Variants in TNS3 observed in about 807,000 individuals in gnomAD.
TNS3 encodes the protein tensin 3, also known as tensin-3.
A neutral mutation model predicts 140.9 loss-of-function variants in TNS3; 45 were observed. The observed-to-expected ratio is 0.32, with a 90% CI of 0.25 to 0.41. TNS3 has a LOEUF of 0.41. Among genes scored for constraint, TNS3 ranks in the 10% least tolerant of loss-of-function variants. The pLI, the probability that TNS3 is intolerant of heterozygous loss-of-function variation, is 1.00. For synonymous variants in TNS3, 815 were observed against 788.4 expected, an observed-to-expected ratio of 1.03 and a Z score of -0.56; for missense variants, 1,716 against 1,906.7, an observed-to-expected ratio of 0.90 and a Z score of 1.86.
intron 17 of TNS3, among the ~76,000 whole-genome samples, chr7:47,351,545 G>T (rs949351692): frequency 6.6e-6 from 1 of 152,126 alleles, no homozygotes; most frequent in Non-Finnish European, 1.5e-5. Context: ...GAGACTCCAC[G>T]CTAGGTCCAA....
chr7:47,392,945 G>A (rs368281216), intron 16 of TNS3, among the ~76,000 whole-genome samples: 3 of 152,236 alleles, frequency 2.0e-5, no homozygotes, highest in African/African-American at 7.2e-5. Flanking sequence ...GTCTCACAGG[G>A]AGAACTTGGA....
At chr7:47,396,689 C>T (rs1431292075) in intron 16 of TNS3, 111 bp downstream of exon 16, 2 of 865,320 alleles carry the variant, frequency 2.3e-6, no homozygotes, top group Non-Finnish European at 3.8e-6. Flanking sequence ...TCTGAGAAAA[C>T]AGGGGAAATT....
chr7:47,335,068 C>T (rs536471865), intron 20 of TNS3, among the ~76,000 whole-genome samples: 4 of 152,286 alleles, frequency 2.6e-5, no homozygotes, highest in East Asian at 3.9e-4. Context: ...TGAGATTAAA[C>T]GACTCCCATT....
chr7:47,453,054 C>CTGGGCATAAA lies in TNS3; in HGVS notation c.-75-11000_-75-10999insTTTATGCCCA, dbSNP rs1481802884. On this transcript the variant is annotated intron_variant, in intron 4 of 30. Coordinates refer to ENST00000311160, the MANE Select transcript of TNS3 (RefSeq NM_022748.12). The stretch of plus-strand genomic sequence containing the variant: ...CACACCCCTCTTCGTGTTAATGTCT[C>CTGGGCATAAA]GGCAGCTCTGGGCATAAAGGAGGCA... 9.7e-5 allele frequency: 96 copies of CTGGGCATAAA among 985,510 alleles called. No individual in the cohort carries two copies. In the Middle Eastern group the frequency reaches 2.1e-3, roughly 21 times the overall value. 61.0% of individuals were successfully genotyped at this position (985,510 alleles called of 1,614,324 possible).
chr7:47,576,679 C>G (rs963528920), intron 1 of TNS3, among the ~76,000 whole-genome samples: 2 of 152,214 alleles, frequency 1.3e-5, no homozygotes, highest in African/African-American at 2.4e-5. Flanking sequence ...TGCTAATGGC[C>G]CAGTGTGCCC....
intron 28 of TNS3, among the ~76,000 whole-genome samples, chr7:47,282,853 A>G (rs1224706826): frequency 1.3e-5 from 2 of 151,836 alleles, no homozygotes; most frequent in Non-Finnish European, 2.9e-5. Context: ...CCTGCCTTCA[A>G]CCTCCCAGGT....
At chr7:47,293,874 G>A (rs1461343585) in intron 24 of TNS3, 46 bp from the exon 25 acceptor site, 1 of 1,561,358 alleles carries the variant, frequency 6.4e-7, no homozygotes, top group Admixed American at 1.7e-5. Flanking sequence ...GAAAATGGGA[G>A]CATGGGAGAA....
chr7:47,507,616 C>A (rs1320494806), intron 2 of TNS3, among the ~76,000 whole-genome samples: 1 of 152,190 alleles, frequency 6.6e-6, no homozygotes, highest in Non-Finnish European at 1.5e-5. Flanking sequence ...CAATGCAATG[C>A]AGAGCTGGAA....
chr7:47,536,304 GAGCCAACCAGCACCGC>G lies in TNS3; in HGVS notation c.-264-7173_-264-7158del, dbSNP rs879713560. Among the ~76,000 whole-genome samples the G allele has an allele frequency of 9.6e-3, 1,450 of 151,362 alleles. 35 individuals are homozygous for G. The highest frequency in any genetic ancestry group is 0.044 in the Admixed American group (664 of 15,152). On this transcript the variant is annotated intron_variant, in intron 1 of 30. Transcript: ENST00000311160. ...GGAAAGGGAGGCTGAACCTAGCGGG[GAGCCAACCAGCACCGC>G]TCTGTTTAATTCAGCAATAACTTAG...
At chr7:47,360,228 T>A (rs1270660391) in intron 17 of TNS3, among the ~76,000 whole-genome samples, 4 of 152,094 alleles carry the variant, frequency 2.6e-5, no homozygotes, top group Admixed American at 6.5e-5. Flanking sequence ...AAATGTGCAC[T>A]CACATACACA....
intron 17 of TNS3, among the ~76,000 whole-genome samples, chr7:47,359,606 T>C (rs1180082785): frequency 6.6e-6 from 1 of 152,216 alleles, no homozygotes; most frequent in Non-Finnish European, 1.5e-5. Flanking sequence ...ACCTGAGGGA[T>C]GATTTCTGTT....
chr7:47,456,466 G>T (rs982731412), intron 4 of TNS3, among the ~76,000 whole-genome samples: 1 of 152,190 alleles, frequency 6.6e-6, no homozygotes, highest in African/African-American at 2.4e-5. Flanking sequence ...GTTCTAGGAA[G>T]ATCAAGTAAG....
At chr7:47,567,683 CAAA>C (rs57071957) in intron 1 of TNS3, among the ~76,000 whole-genome samples, 3 of 85,042 alleles carry the variant, frequency 3.5e-5, no homozygotes, top group African/African-American at 8.9e-5. Context: ...GACTCGGTCT[CAAA>C]AAAAAAAAAA....
chr7:47,475,505 G>A (rs773241242), intron 4 of TNS3, among the ~76,000 whole-genome samples: 2 of 147,580 alleles, frequency 1.4e-5, no homozygotes, highest in Non-Finnish European at 3.0e-5. Context: ...AAGGACAGTG[G>A]CCCCTCTGTA....
intron 1 of TNS3, among the ~76,000 whole-genome samples, chr7:47,535,200 C>A (rs1799557966): frequency 6.6e-6 from 1 of 152,196 alleles, no homozygotes; most frequent in African/African-American, 2.4e-5. Flanking sequence ...TATTTGTTGA[C>A]CAAATGAATT....
At chr7:47,418,436 T>C (rs1004612098) in intron 10 of TNS3, among the ~76,000 whole-genome samples, 5 of 152,228 alleles carry the variant, frequency 3.3e-5, no homozygotes, top group African/African-American at 9.6e-5. Flanking sequence ...AAGGTAGATA[T>C]AAATGAATCA....
At chr7:47,372,549 G>A (rs750893816) in intron 16 of TNS3, among the ~76,000 whole-genome samples, 1 of 152,128 alleles carries the variant, frequency 6.6e-6, no homozygotes, top group South Asian at 2.1e-4. Context: ...CCCTCTCCTG[G>A]GGGGAGGGTA....
chr7:47,554,318 CGA>C (rs1800139372), intron 1 of TNS3, among the ~76,000 whole-genome samples: 1 of 149,724 alleles, frequency 6.7e-6, no homozygotes, highest in African/African-American at 2.5e-5. Flanking sequence ...CTCGGGAGGC[CGA>C]GACAGGAGAA....
chr7:47,470,476 A>G (rs1267671388), intron 4 of TNS3: 1 of 985,380 alleles, frequency 1.0e-6, no homozygotes, highest in Non-Finnish European at 1.2e-6. Context: ...ACGTCCAGTC[A>G]TCAGACTTGG....
Sources: allele counts gnomAD v4.1 joint callset (sites outside exome capture counted in the v4.1 genomes callset), GRCh38; gene constraint gnomAD v4.1.1; transcripts MANE v1.5; gene names NCBI Gene and HGNC (gene_info 2026-07-23, HGNC 2026-07-21).